DNAAF4: variants seen among roughly 807,000 people sequenced by gnomAD.
DNAAF4 encodes the protein dynein assembly factor 4, axonemal.
In DNAAF4, 43 loss-of-function variants were observed where a neutral mutation model predicts 51.8. The observed-to-expected ratio is 0.83, with a 90% CI of 0.65 to 1.07. The LOEUF (loss-of-function observed/expected upper bound fraction) is 1.07. Among genes scored for constraint, DNAAF4 ranks in the 50% least tolerant of loss-of-function variants. DNAAF4 has a pLI of 0.00. For synonymous variants in DNAAF4, 194 were observed against 165.6 expected (o/e 1.17, Z -1.32); for missense variants, 581 against 493.0 (o/e 1.18, Z -1.69).
At chr15:55,418,225 T>G in intron 7 of DNAAF4, 1 of 1,569,864 alleles carries the variant, frequency 6.4e-7, no homozygotes, top group Non-Finnish European at 8.6e-7. Flanking sequence ...TCTTTTAGGA[T>G]AAGAAAAGTA....
chr15:55,429,241 C>G (rs965854901), downstream of DNAAF4, among the ~76,000 whole-genome samples: 1 of 151,138 alleles, frequency 6.6e-6, no homozygotes, highest in African/African-American at 2.4e-5. Context: ...TAAATAAGGC[C>G]GGGCGCGGTG....
chr15:55,497,631 G>A (rs1595959585), intron 3 of DNAAF4, 81 bp downstream of exon 3: 1 of 1,492,720 alleles, frequency 6.7e-7, no homozygotes, highest in East Asian at 2.3e-5. Context: ...ACACAATATA[G>A]GTGCTTCAAA....
intron 4 of DNAAF4, among the ~76,000 whole-genome samples, chr15:55,470,846 G>GA (rs1555418421): frequency 1.2e-5 from 1 of 86,646 alleles, no homozygotes; most frequent in African/African-American, 3.3e-5. Flanking sequence ...ATGCCTGGCG[G>GA]ATTTTTTTTT....
intron 4 of DNAAF4, among the ~76,000 whole-genome samples, chr15:55,469,568 C>T (rs1243025082): frequency 2.1e-5 from 3 of 142,648 alleles, no homozygotes; most frequent in East Asian, 2.2e-4. Context: ...CTGCAAGCTC[C>T]GCCTCCTGGG....
chr15:55,467,223 G>A (rs576092984), intron 4 of DNAAF4, 62 bp from the exon 5 acceptor site: 3 of 1,342,260 alleles, frequency 2.2e-6, no homozygotes, highest in East Asian at 2.4e-5. Flanking sequence ...ATTTAAATGA[G>A]AAATTCATTA....
chr15:55,477,128 C>T lies in DNAAF4; in HGVS notation c.406-9967G>A, dbSNP rs968169047. On this transcript the variant is annotated intron_variant, in intron 4 of 9. Transcript: ENST00000321149. ...CAGAGGTTGCAGTGAGCTGAGATCA[C>T]GCCACTGTACTCCAGCCTGGGCAAC... Among the ~76,000 whole-genome samples, 6 of 151,576 alleles carry T rather than the reference C, an allele frequency of 4.0e-5. No individual in the cohort carries two copies. In the East Asian group the frequency reaches 5.8e-4, roughly 15 times the overall value.
chr15:55,469,539 G>C (rs2058221536), intron 4 of DNAAF4, among the ~76,000 whole-genome samples: 1 of 125,654 alleles, frequency 8.0e-6, no homozygotes, highest in Non-Finnish European at 1.6e-5. Context: ...CTGGAGTGCA[G>C]TGGCGCAATC....
At chr15:55,429,404 C>T (rs746088796), downstream of DNAAF4, among the ~76,000 whole-genome samples, 3 of 151,252 alleles carry the variant, frequency 2.0e-5, no homozygotes, top group Non-Finnish European at 2.9e-5. Context: ...GTAATCTCAG[C>T]TACTCAGGAG....
chr15:55,450,561 T>C (rs1398602760), intron 5 of DNAAF4, among the ~76,000 whole-genome samples, 194 bp from the exon 6 acceptor site: 1 of 152,214 alleles, frequency 6.6e-6, no homozygotes, highest in African/African-American at 2.4e-5. Context: ...TCTTTATCAA[T>C]GGCCTCAGCT....
chr15:55,502,615 A>T (rs1190196572), intron 1 of DNAAF4, among the ~76,000 whole-genome samples: 5 of 152,194 alleles, frequency 3.3e-5, no homozygotes, highest in African/African-American at 1.2e-4. Context: ...GAAGGAGAAG[A>T]TATTTTTTCT....
intron 6 of DNAAF4, chr15:55,442,895 C>T: frequency 1.2e-6 from 2 of 1,612,250 alleles, no homozygotes; most frequent in Non-Finnish European, 1.7e-6. Flanking sequence ...GCAATGGCAC[C>T]TCCATGAATC....
chr15:55,465,509 G>A (rs1181576589), intron 5 of DNAAF4, among the ~76,000 whole-genome samples: 3 of 150,542 alleles, frequency 2.0e-5, no homozygotes, highest in Non-Finnish European at 2.9e-5. Flanking sequence ...AGTTGGAGAC[G>A]ATTATGCTAC....
At chr15:55,490,017 G>A (rs1220673291) in intron 4 of DNAAF4, among the ~76,000 whole-genome samples, 1 of 151,824 alleles carries the variant, frequency 6.6e-6, no homozygotes, top group African/African-American at 2.4e-5. Flanking sequence ...GGGATTACAG[G>A]TGCCCACCAC....
At chr15:55,447,953 T>A (rs943186756) in intron 6 of DNAAF4, among the ~76,000 whole-genome samples, 3 of 152,076 alleles carry the variant, frequency 2.0e-5, no homozygotes, top group African/African-American at 7.2e-5. Context: ...CTGTGTTGAA[T>A]AGGAGTGGTG....
At chr15:55,449,180 G>A (rs1032673254) in intron 6 of DNAAF4, among the ~76,000 whole-genome samples, 11 of 149,558 alleles carry the variant, frequency 7.4e-5, no homozygotes, top group Non-Finnish European at 1.6e-4. Context: ...AATAGCGATG[G>A]GGTTTCACCA....
intron 7 of DNAAF4, among the ~76,000 whole-genome samples, chr15:55,423,318 C>T (rs1327459805): frequency 6.6e-6 from 1 of 152,068 alleles, no homozygotes. Flanking sequence ...AGCGATTTTC[C>T]AACCTCAGCC....
At chr15:55,449,220 C>A (rs957304777) in intron 6 of DNAAF4, among the ~76,000 whole-genome samples, 12 of 150,136 alleles carry the variant, frequency 8.0e-5, no homozygotes, top group African/African-American at 2.9e-4. Context: ...AAACTCCTGA[C>A]CTCAGGTGAT....
At chr15:55,425,724 C>CGT (rs1391949196), downstream of DNAAF4, among the ~76,000 whole-genome samples, 1 of 152,122 alleles carries the variant, frequency 6.6e-6, no homozygotes, top group Non-Finnish European at 1.5e-5. Context: ...AAAGAGCTAA[C>CGT]GTGTGGAAAA....
At chr15:55,466,779 A>G (rs965875764) in intron 5 of DNAAF4, 151 bp downstream of exon 5, 44 of 855,696 alleles carry the variant, frequency 5.1e-5, no homozygotes, top group Non-Finnish European at 7.0e-5. Flanking sequence ...GAAAGAAGAA[A>G]TGTCTTTACT....
Sources: allele counts gnomAD v4.1 joint callset (sites outside exome capture counted in the v4.1 genomes callset), GRCh38; gene constraint gnomAD v4.1.1; transcripts MANE v1.5; gene names NCBI Gene and HGNC (gene_info 2026-07-23, HGNC 2026-07-21).